Variants in DOCK10 observed in about 807,000 individuals in gnomAD.
DOCK10 encodes dedicator of cytokinesis 10.
A neutral mutation model predicts 280.1 loss-of-function variants in DOCK10; 145 were observed. The observed-to-expected ratio is 0.52, with a 90% CI of 0.45 to 0.59. DOCK10 has a LOEUF of 0.59. DOCK10 is among the 20% of genes least tolerant of loss of function. The pLI, the probability that DOCK10 is intolerant of heterozygous loss-of-function variation, is 0.00. For missense variants in DOCK10, 2,368 were observed against 2,651.7 expected (o/e 0.89, Z 2.35); for synonymous variants, 915 against 942.2 (o/e 0.97, Z 0.53).
Position 224,805,847 on chromosome 2 carries a change from G to T in DOCK10, c.3814+279C>A, listed in dbSNP as rs954208982. 1.3e-5 allele frequency among the ~76,000 whole-genome samples: 2 copies of T among 152,138 alleles called. No homozygotes were observed. The highest frequency in any genetic ancestry group is 2.9e-5 in the Non-Finnish European group (2 of 68,010). On this transcript the variant is annotated intron_variant, in intron 34 of 55. Transcript: ENST00000258390. The surrounding 1 kb of genome is among the most constrained non-coding windows in gnomAD (Gnocchi z 4.3). Reference sequence around the variant, plus strand: ...GCCATTATATCTTAAAAGGCTGTCTGCAATGAAAACTTAAAGACGGTTTCC... The same window carrying T: ...GCCATTATATCTTAAAAGGCTGTCTTCAATGAAAACTTAAAGACGGTTTCC...
chr2:224,990,354 A>G (rs1447430629), intron 1 of DOCK10, among the ~76,000 whole-genome samples: 1 of 152,200 alleles, frequency 6.6e-6, no homozygotes, highest in East Asian at 1.9e-4. Context: ...GCCAAAATGT[A>G]AATCCCTGTT....
At chr2:224,797,265 A>C in intron 42 of DOCK10, 119 bp from the exon 43 acceptor site, 1 of 550,102 alleles carries the variant, frequency 1.8e-6, no homozygotes. Flanking sequence ...AACTTGGTCT[A>C]TTTTTTTTTT....
At chr2:224,971,734 A>G (rs1382913401) in intron 1 of DOCK10, among the ~76,000 whole-genome samples, 3 of 152,230 alleles carry the variant, frequency 2.0e-5, no homozygotes, top group Non-Finnish European at 4.4e-5. Context: ...TGGAATATGA[A>G]TTTACTCTTT....
intron 7 of DOCK10, 50 bp from the exon 8 acceptor site, chr2:224,876,271 T>C: frequency 6.9e-7 from 1 of 1,453,062 alleles, no homozygotes; most frequent in Non-Finnish European, 9.3e-7. Flanking sequence ...AAAATAAGCC[T>C]TCGAGAGAGA....
intron 1 of DOCK10, among the ~76,000 whole-genome samples, chr2:225,027,542 C>T (rs974361296): frequency 6.6e-6 from 1 of 152,082 alleles, no homozygotes; most frequent in African/African-American, 2.4e-5. Context: ...ACACCATCCG[C>T]CCTGGTACTG....
chr2:224,893,339 CTG>C (rs1389927012), intron 4 of DOCK10: 1 of 160,030 alleles, frequency 6.2e-6, no homozygotes, highest in East Asian at 1.9e-4. Context: ...AAAACAAAAA[CTG>C]TTCTATTTCA....
intron 1 of DOCK10, among the ~76,000 whole-genome samples, chr2:224,985,234 C>A (rs1377584575): frequency 6.6e-6 from 1 of 151,910 alleles, no homozygotes; most frequent in East Asian, 1.9e-4. Context: ...ATTTATTAAA[C>A]CTAAAATGCT....
In DOCK10 at chr2:224,988,409, C is replaced by G. The variant is rs370379425; in HGVS notation, c.123+53843G>C. Among the ~76,000 whole-genome samples the G allele has an allele frequency of 2.6e-5, 4 of 152,090 alleles. No homozygotes were observed. The East Asian group carries it at 5.8e-4, about 22-fold the overall frequency. Reference sequence around the variant, plus strand: ...TGATGATACCCCTAAGAAAGCAAGCCCTTATAGCACTCGCCATGTGCCAGG... The same window carrying G: ...TGATGATACCCCTAAGAAAGCAAGCGCTTATAGCACTCGCCATGTGCCAGG... On this transcript the variant is annotated intron_variant, in intron 1 of 55. Transcript: ENST00000258390.
At chr2:224,912,863 T>G (rs1158714543) in intron 3 of DOCK10, among the ~76,000 whole-genome samples, 1 of 151,990 alleles carries the variant, frequency 6.6e-6, no homozygotes, top group African/African-American at 2.4e-5. Flanking sequence ...CCATCTCTAC[T>G]AAAAATACAA....
chr2:224,896,665 C>T (rs7604898), intron 3 of DOCK10, among the ~76,000 whole-genome samples: 28,415 of 151,924 alleles, frequency 0.19, 4,549 homozygotes, highest in African/African-American at 0.44. Context: ...TGCAGTGAGC[C>T]GAGATCACGC....
chr2:224,907,545 G>A (rs945162787), intron 3 of DOCK10, among the ~76,000 whole-genome samples: 5 of 152,056 alleles, frequency 3.3e-5, no homozygotes, highest in East Asian at 1.9e-4. Flanking sequence ...AAAATTAGCC[G>A]GGTGTGGTGG....
rs762646390 is a variant in DOCK10 at position 224,856,869 on chromosome 2, T to G, written c.1799A>C (p.Asp600Ala). The G allele has an allele frequency of 1.2e-6, 2 of 1,608,592 alleles. No homozygotes were observed. Among genetic ancestry groups the G allele is most frequent in the Non-Finnish European group, 1.7e-6 (2 of 1,177,248 alleles). Residue 600 changes from aspartate to alanine, a missense_variant, in exon 15 of 56, where the codon GAT (aspartate) becomes GCT (alanine). This residue lies in a region of DOCK10 where 1,209 missense variants were observed against 1,250.9 expected (regional missense o/e 0.97). Coordinates refer to ENST00000258390, the MANE Select transcript of DOCK10 (RefSeq NM_014689.3). ...TATAAAAAAAACATACCTTCTATAA[T>G]CTGATACTAGTTTAACTAGGTCCTC... is the stretch of plus-strand genomic sequence containing the variant. ...STEDLVKLVS[D>A]YRRADRISKM...
At chr2:225,024,752 A>T (rs1285251052) in intron 1 of DOCK10, among the ~76,000 whole-genome samples, 1 of 150,532 alleles carries the variant, frequency 6.6e-6, no homozygotes, top group Non-Finnish European at 1.5e-5. Context: ...TTAGCCGGGC[A>T]TAGTGGCACA....
intron 1 of DOCK10, among the ~76,000 whole-genome samples, chr2:224,997,267 T>C: frequency 7.0e-6 from 1 of 142,902 alleles, no homozygotes; most frequent in South Asian, 2.6e-4. Context: ...AGTCTCACTC[T>C]GTTGCTCAGG....
chr2:224,881,185 T>G (rs999679162), intron 7 of DOCK10, among the ~76,000 whole-genome samples: 1 of 152,244 alleles, frequency 6.6e-6, no homozygotes, highest in Non-Finnish European at 1.5e-5. Flanking sequence ...GTAATTTCAT[T>G]CTTGCATATG....
chr2:224,893,171 G>A (rs552914298), intron 4 of DOCK10, among the ~76,000 whole-genome samples: 1 of 152,230 alleles, frequency 6.6e-6, no homozygotes, highest in African/African-American at 2.4e-5. Context: ...TAAGTTTTGG[G>A]GTAAATTCCC....
At chr2:225,009,882 T>C (rs548151804) in intron 1 of DOCK10, among the ~76,000 whole-genome samples, 17 of 152,184 alleles carry the variant, frequency 1.1e-4, no homozygotes, top group Non-Finnish European at 1.9e-4. Context: ...GTCTTTGTGT[T>C]GCCCTCCTGC....
At chr2:224,840,198 G>A in intron 23 of DOCK10, 126 bp from the exon 24 acceptor site, 1 of 536,538 alleles carries the variant, frequency 1.9e-6, no homozygotes, top group East Asian at 2.9e-5. Flanking sequence ...ATTAGACTGG[G>A]CAATGATTTT....
At chr2:224,774,746 AG>A (rs764759717) in intron 52 of DOCK10, among the ~76,000 whole-genome samples, 158 bp downstream of exon 52, 11 of 152,194 alleles carry the variant, frequency 7.2e-5, no homozygotes, top group Non-Finnish European at 1.5e-4. Flanking sequence ...TGGAGAATAA[AG>A]AGATGGAAAT....
Sources: gnomAD v4.1 joint callset for allele counts (sites outside exome capture counted in the v4.1 genomes callset) on GRCh38, gnomAD v4.1.1 for gene constraint, gnomAD v4.1.1 regional missense constraint, Gnocchi (gnomAD v3.1) non-coding constraint, MANE v1.5 for transcripts, NCBI Gene and HGNC (gene_info 2026-07-23, HGNC 2026-07-21) for gene names.